ZBTB20: variants seen among roughly 807,000 people sequenced by gnomAD.
The protein encoded by ZBTB20 is zinc finger and BTB domain-containing protein 20.
Under a neutral mutation model 56.9 loss-of-function variants are expected in ZBTB20, and 9 were observed. The observed-to-expected ratio is 0.16, with a 90% CI of 0.10 to 0.28. The LOEUF is 0.28. Among genes scored for constraint, ZBTB20 ranks in the 10% least tolerant of loss-of-function variants. ZBTB20 has a pLI of 1.00. For synonymous variants in ZBTB20, 417 were observed against 420.7 expected (o/e 0.99, Z 0.11); for missense variants, 655 against 1,003.0 (o/e 0.65, Z 4.69).
At chr3:115,109,129 G>A (rs1339375168) in intron 1 of ZBTB20, among the ~76,000 whole-genome samples, 1 of 152,138 alleles carries the variant, frequency 6.6e-6, no homozygotes, top group East Asian at 1.9e-4. Context: ...CTCTTCTGCT[G>A]CCTGGTCAAT....
chr3:114,923,124 A>C (rs1302088982), intron 3 of ZBTB20, among the ~76,000 whole-genome samples: 2 of 152,254 alleles, frequency 1.3e-5, no homozygotes, highest in African/African-American at 4.8e-5. Context: ...AATTGAAAGA[A>C]TTGCTATTTT....
intron 4 of ZBTB20, among the ~76,000 whole-genome samples, chr3:114,857,216 A>G (rs1698610244): frequency 6.6e-6 from 1 of 152,190 alleles, no homozygotes; most frequent in African/African-American, 2.4e-5. Context: ...AGTGAGATAA[A>G]TGGTAAATAT....
intron 4 of ZBTB20, among the ~76,000 whole-genome samples, chr3:114,897,487 G>A (rs1177261036): frequency 6.6e-6 from 1 of 152,122 alleles, no homozygotes; most frequent in Non-Finnish European, 1.5e-5. Flanking sequence ...AGGGGAACCT[G>A]CAATAATGCT....
intron 5 of ZBTB20, among the ~76,000 whole-genome samples, chr3:114,755,077 T>C (rs115275788): frequency 9.2e-5 from 14 of 152,272 alleles, no homozygotes; most frequent in African/African-American, 2.6e-4. Context: ...TGGAATGGGG[T>C]TCAGGAATCT....
rs1161539746 is a variant in ZBTB20 at position 114,329,904 on chromosome 3, G to A, written c.*9101C>T. 1.3e-5 allele frequency: 2 copies of A among 152,108 alleles called. No homozygotes were observed. The highest frequency in any genetic ancestry group is 2.4e-5 in the African/African-American group (1 of 41,418). The allele number at this position is 152,108 out of a possible 1,614,324, so 9.4% of individuals were successfully genotyped here. A position where few individuals can be genotyped will look rare whatever the true frequency, so the allele number is the denominator to read the frequency against. On this transcript the variant is annotated 3_prime_UTR_variant, in exon 12 of 12. Transcript: ENST00000675478. Reference sequence around the variant, plus strand: ...ACAACTAGGTAATTCACTGTCTTACGCTTTTCAGAAGACTGGCCCTTTGAA... The same window carrying A: ...ACAACTAGGTAATTCACTGTCTTACACTTTTCAGAAGACTGGCCCTTTGAA...
chr3:114,380,978 G>T (rs756929486), intron 8 of ZBTB20, 38 bp from the exon 9 acceptor site: 6 of 389,632 alleles, frequency 1.5e-5, no homozygotes, highest in African/African-American at 8.3e-5. Context: ...GGCCTTAAAG[G>T]TTCCTTCCAA....
At chr3:115,113,692 C>T (rs926914192) in intron 1 of ZBTB20, among the ~76,000 whole-genome samples, 4 of 152,172 alleles carry the variant, frequency 2.6e-5, no homozygotes, top group Non-Finnish European at 5.9e-5. Flanking sequence ...TTGAAGTGTC[C>T]ATAGGAGTGC....
At chr3:114,758,120 A>G (rs1181210748) in intron 5 of ZBTB20, among the ~76,000 whole-genome samples, 1 of 152,164 alleles carries the variant, frequency 6.6e-6, no homozygotes, top group Admixed American at 6.6e-5. Context: ...ATCACAGAAT[A>G]TGCAATTCAT....
rs1273685964 is a variant in ZBTB20, at chr3:114,327,733, T to C, written c.*11272A>G. On this transcript the variant is annotated 3_prime_UTR_variant, in exon 12 of 12. Transcript: ENST00000675478. ...TTTCTGATATTAAATGTTGATTCTT[T>C]TTGTCAAAGGGTAAAGCAAGAACTG... 3 of 152,204 alleles carry C rather than the reference T, an allele frequency of 2.0e-5. No homozygotes were observed. The highest frequency in any genetic ancestry group is 4.4e-5 in the Non-Finnish European group (3 of 68,018). The allele number at this position is 152,204 out of a possible 1,614,324, so 9.4% of individuals were successfully genotyped here. A position where few individuals can be genotyped will look rare whatever the true frequency, so the allele number is the denominator to read the frequency against.
At position 114,434,187 on chromosome 3, in the gene ZBTB20, T is replaced by C. The variant is rs867031751; in HGVS notation, c.-254-45082A>G. ...CAGTTTTTTACCCATTCCAGAGTGA[T>C]GGGAAGTAAAATTCAGGGCTTCAGT... On this transcript the variant is annotated intron_variant, in intron 7 of 11. Transcript: ENST00000675478. Among the ~76,000 whole-genome samples, 5 of 152,084 alleles carry C rather than the reference T, an allele frequency of 3.3e-5. No homozygotes were observed. The South Asian group carries it at 1.0e-3, about 32-fold the overall frequency.
intron 7 of ZBTB20, among the ~76,000 whole-genome samples, chr3:114,422,904 G>A (rs1281380151): frequency 6.6e-6 from 1 of 152,058 alleles, no homozygotes; most frequent in Non-Finnish European, 1.5e-5. Flanking sequence ...TACCTTTACA[G>A]CAGCATGACC....
chr3:114,376,796 G>A (rs1053689828), intron 10 of ZBTB20, among the ~76,000 whole-genome samples: 2 of 152,174 alleles, frequency 1.3e-5, no homozygotes, highest in Non-Finnish European at 2.9e-5. Context: ...AACATGGGAA[G>A]GTAAGTCACC....
intron 6 of ZBTB20, among the ~76,000 whole-genome samples, chr3:114,657,111 AT>A (rs1211747798): frequency 1.3e-5 from 2 of 152,282 alleles, no homozygotes; most frequent in Admixed American, 6.5e-5. Context: ...ACAGTTGAAC[AT>A]TGTGCATGAT....
At chr3:114,683,678 C>T (rs935119036) in intron 6 of ZBTB20, among the ~76,000 whole-genome samples, 7 of 151,994 alleles carry the variant, frequency 4.6e-5, no homozygotes, top group African/African-American at 1.7e-4. Context: ...AGAGTTTCCC[C>T]AGGGCATTAA....
chr3:114,799,346 C>T (rs1340531426), intron 5 of ZBTB20, among the ~76,000 whole-genome samples: 1 of 151,826 alleles, frequency 6.6e-6, no homozygotes, highest in African/African-American at 2.4e-5. Context: ...TATGAATGGT[C>T]AATTCTCACT....
chr3:114,892,836 A>C (rs1022655501), intron 4 of ZBTB20, among the ~76,000 whole-genome samples: 1 of 152,210 alleles, frequency 6.6e-6, no homozygotes, highest in Non-Finnish European at 1.5e-5. Flanking sequence ...ATGACCTGCA[A>C]ATTTCCAGGT....
chr3:115,101,766 T>C (rs1272565551), intron 1 of ZBTB20, among the ~76,000 whole-genome samples: 2 of 152,206 alleles, frequency 1.3e-5, no homozygotes, highest in African/African-American at 2.4e-5. Context: ...TAATCCTAAG[T>C]ATATGAATTG....
chr3:114,813,596 CA>C (rs1170545616), intron 4 of ZBTB20, among the ~76,000 whole-genome samples: 1 of 151,996 alleles, frequency 6.6e-6, no homozygotes, highest in Non-Finnish European at 1.5e-5. Context: ...ACAGAAAATG[CA>C]AAAATTAGCT....
At position 114,626,306 on chromosome 3, in the gene ZBTB20, GT is replaced by G. The variant is rs533412580; in HGVS notation, c.-295+67221del. On this transcript the variant is annotated intron_variant, in intron 6 of 11. Coordinates refer to ENST00000675478, the MANE Select transcript of ZBTB20 (RefSeq NM_001348800.3). ...TGGGCAAATGAGCTTTCTAGCCTCA[GT>G]TTCTCTCTCTTTGAAATGGAAATAA... 2.0e-5 allele frequency among the ~76,000 whole-genome samples: 3 copies of G among 152,242 alleles called. No individual in the cohort carries two copies. In the South Asian group the frequency reaches 6.2e-4, roughly 32 times the overall value.
Sources: gnomAD v4.1 joint callset for allele counts (sites outside exome capture counted in the v4.1 genomes callset) on GRCh38, gnomAD v4.1.1 for gene constraint, MANE v1.5 for transcripts, NCBI Gene and HGNC (gene_info 2026-07-23, HGNC 2026-07-21) for gene names.